Variants in MEPCE observed in about 807,000 individuals in gnomAD.
MEPCE encodes 7SK snRNA methylphosphate capping enzyme.
MEPCE carries 9 observed loss-of-function variants against 52.3 expected under a neutral mutation model. The ratio of observed to expected loss-of-function variants is 0.17; its 90% CI spans 0.10 to 0.30. The LOEUF (loss-of-function observed/expected upper bound fraction) is 0.30, where lower values mean the gene tolerates loss of function less well. Among genes scored for constraint, MEPCE ranks in the 10% least tolerant of loss-of-function variants. The probability of loss-of-function intolerance (pLI) is 1.00; values close to 1 mark genes in which losing one functional copy is unlikely to be tolerated. For missense variants in MEPCE, 826 were observed against 933.0 expected, an observed-to-expected ratio of 0.89 and a Z score of 1.49; for synonymous variants, 477 against 401.6, an observed-to-expected ratio of 1.19 and a Z score of -2.25.
chr7:100,433,933 C>G lies in MEPCE; in HGVS notation c.*379C>G. ...TTCTCCTCGGCCATTGTACCTAGCT[C>G]TTGTCCCTAGCTGCATTTCAGTGGA... On this transcript the variant is annotated 3_prime_UTR_variant, in exon 4 of 4. Transcript: ENST00000310512. The G allele has an allele frequency of 4.3e-6, 1 of 231,548 alleles. No homozygotes were observed. The highest frequency in any genetic ancestry group is 5.1e-5 in the Admixed American group (1 of 19,458). 14.3% of individuals were successfully genotyped at this position (231,548 alleles called of 1,614,324 possible).
At position 100,432,990 on chromosome 7, in the gene MEPCE, C is replaced by T; in HGVS notation, c.1743C>T (p.Leu581=). The change falls in exon 2 of 4, where the codon CTC becomes CTT. Residue 581 remains leucine (L), a synonymous_variant. Transcript: ENST00000310512. Reference sequence around the variant, plus strand: ...CTGAGTATGATGTGGTGCTCTGCCTCAGCCTCACCAAGTGGGTGCATCTGA... The same window carrying T: ...CTGAGTATGATGTGGTGCTCTGCCTTAGCCTCACCAAGTGGGTGCATCTGA... ...QTPEYDVVLC[L]SLTKWVHLNW... 1 of 1,614,020 alleles carries T rather than the reference C, an allele frequency of 6.2e-7. No homozygotes were observed. Among genetic ancestry groups the T allele is most frequent in the Non-Finnish European group, 8.5e-7 (1 of 1,180,034 alleles).
chr7:100,429,925 C>G lies in MEPCE; in HGVS notation c.-94C>G. The G allele has an allele frequency of 9.6e-7, 1 of 1,037,766 alleles. No homozygotes were observed. Among genetic ancestry groups the G allele is most frequent in the South Asian group, 4.9e-5 (1 of 20,502 alleles). 64.3% of individuals were successfully genotyped at this position (1,037,766 alleles called of 1,614,324 possible). On this transcript the variant is annotated 5_prime_UTR_variant, in exon 1 of 4. Transcript: ENST00000310512. ...TGAAGAGCAGAGCTGCGCGCGCACTCGGGAAAGGGGGGAAGGGAGCAGGGT... is the reference window on the plus strand; with the variant it reads ...TGAAGAGCAGAGCTGCGCGCGCACTGGGGAAAGGGGGGAAGGGAGCAGGGT...
Position 100,430,352 on chromosome 7 carries a change from G to T in MEPCE, c.334G>T (p.Val112Leu), listed in dbSNP as rs1798607962. 2.1e-6 allele frequency: 3 copies of T among 1,432,122 alleles called. No individual in the cohort carries two copies. Among genetic ancestry groups the T allele is most frequent in the South Asian group, 2.9e-5 (2 of 68,300 alleles). The allele number at this position is 1,432,122 out of a possible 1,614,324, so 88.7% of individuals were successfully genotyped here. A position where few individuals can be genotyped will look rare whatever the true frequency, so the allele number is the denominator to read the frequency against. Residue 112 changes from valine to leucine, a missense_variant, in exon 1 of 4, where the codon GTG (valine) becomes TTG (leucine). Coordinates refer to ENST00000310512, the MANE Select transcript of MEPCE (RefSeq NM_019606.6). ...DPPGRAAPPD[V>L]GEERRGGGGT... ...CCCGGGGCGAGCCGCTCCCCCGGAC[G>T]TGGGGGAGGAGCGCCGGGGAGGGGG... is the stretch of plus-strand genomic sequence containing the variant.
Position 100,434,055 on chromosome 7 carries a change from A to AG in MEPCE, c.*506dup, listed in dbSNP as rs983289030. The AG allele has an allele frequency of 4.3e-4, 68 of 158,906 alleles. No individual in the cohort carries two copies. Among genetic ancestry groups the AG allele is most frequent in the Non-Finnish European group, 5.7e-4 (41 of 71,974 alleles). 9.8% of individuals were successfully genotyped at this position (158,906 alleles called of 1,614,324 possible). ...TCCCTTTGCCCTCCCCCAGTGGGAG[A>AG]GGGGGTTGGGTTTTCAATGTGAGAA... On this transcript the variant is annotated 3_prime_UTR_variant, in exon 4 of 4. Transcript: ENST00000310512.
upstream of MEPCE, chr7:100,429,643 A>G (rs1563160162): frequency 2.6e-5 from 5 of 190,512 alleles, no homozygotes; most frequent in Non-Finnish European, 4.3e-5. Flanking sequence ...TTAAACTCCC[A>G]GAGCCGTTAA....
At chr7:100,432,813 G>T (rs568530405) in intron 1 of MEPCE, 106 bp from the exon 2 acceptor site, 5 of 1,000,314 alleles carry the variant, frequency 5.0e-6, no homozygotes, top group Admixed American at 2.0e-5. Flanking sequence ...AAGTGGCCAC[G>T]GGCTAAAGTG....
chr7:100,430,447 G>T lies in MEPCE; in HGVS notation c.429G>T (p.Gly143=), dbSNP rs777812010. ...RNGYQPHRPP[G]GGGGKRRNSC... ...GCTATCAGCCCCACCGGCCACCTGGGGGGGGCGGGGGCAAGAGGAGAAATA... is the reference window on the plus strand; with the variant it reads ...GCTATCAGCCCCACCGGCCACCTGGTGGGGGCGGGGGCAAGAGGAGAAATA... The change falls in exon 1 of 4, where the codon GGG becomes GGT. Residue 143 remains glycine (G), a synonymous_variant. Coordinates refer to ENST00000310512, the MANE Select transcript of MEPCE (RefSeq NM_019606.6). 10 of 1,556,888 alleles carry T rather than the reference G, an allele frequency of 6.4e-6. No homozygotes were observed. In the Admixed American group the frequency reaches 7.1e-5, roughly 11 times the overall value.
intron 1 of MEPCE, among the ~76,000 whole-genome samples, chr7:100,432,151 C>T (rs1798736473): frequency 6.6e-6 from 1 of 152,182 alleles, no homozygotes; most frequent in African/African-American, 2.4e-5. Flanking sequence ...AGCCACCTTG[C>T]TCCTATCAGC....
At position 100,432,912 on chromosome 7, in the gene MEPCE, C is replaced by T. The variant is rs112447917; in HGVS notation, c.1672-7C>T. On this transcript the variant is annotated splice_polypyrimidine_tract_variant and splice_region_variant and intron_variant, in intron 1 of 3. Transcript: ENST00000310512. ...CAGTTGACCTCACTGCCGATTCTTG[C>T]CCTCAGGGTAATTATGTGCTGGATC... 33 of 1,613,280 alleles carry T rather than the reference C, an allele frequency of 2.0e-5. No individual in the cohort carries two copies. The African/African-American group carries it at 4.3e-4, about 21-fold the overall frequency.
rs1220321385 is a variant in MEPCE, at chr7:100,431,628, C to A, written c.1610C>A (p.Pro537His). The change falls in exon 1 of 4, where the codon CCC becomes CAC. Residue 537 changes from proline to histidine, a missense_variant. Pro to His is a moderately conservative substitution (Grantham distance 77). Transcript: ENST00000310512. ...LTASRGPIAA[P>H]QVPLDGADTS... Reference sequence around the variant, plus strand: ...GCCAGCCGGGGTCCCATCGCTGCCCCCCAAGTGCCCTTGGATGGAGCGGAC... The same window carrying A: ...GCCAGCCGGGGTCCCATCGCTGCCCACCAAGTGCCCTTGGATGGAGCGGAC... The A allele has an allele frequency of 1.2e-6, 2 of 1,607,696 alleles. No individual in the cohort carries two copies. Among genetic ancestry groups the A allele is most frequent in the Non-Finnish European group, 1.7e-6 (2 of 1,179,978 alleles).
rs1386913382 is a variant in MEPCE at position 100,433,779 on chromosome 7, TC to T, written c.*230del. Reference sequence around the variant, plus strand: ...TGCTGGAGTCACCATCATCTTCCTCTCCCCCAGCCTCCCAGGCTGGATGGCA... The same window carrying T: ...TGCTGGAGTCACCATCATCTTCCTCTCCCCAGCCTCCCAGGCTGGATGGCA... On this transcript the variant is annotated 3_prime_UTR_variant, in exon 4 of 4. Coordinates refer to ENST00000310512, the MANE Select transcript of MEPCE (RefSeq NM_019606.6). 4 of 579,544 alleles carry T rather than the reference TC, an allele frequency of 6.9e-6. No homozygotes were observed. The highest frequency in any genetic ancestry group is 5.7e-5 in the East Asian group (2 of 34,840). 35.9% of individuals were successfully genotyped at this position (579,544 alleles called of 1,614,324 possible).
chr7:100,431,473 A>G lies in MEPCE; in HGVS notation c.1455A>G (p.Gln485=), dbSNP rs774873736. The change falls in exon 1 of 4, where the codon CAA becomes CAG. Residue 485 remains glutamine (Q), a synonymous_variant. Transcript: ENST00000310512. The part of the protein sequence containing the change: ...IDSRLIHSAR[Q]NIRHYLSEEL... The stretch of plus-strand genomic sequence containing the variant: ...CCCGGCTCATCCATTCTGCCCGCCA[A>G]AACATCCGACACTACCTTTCCGAGG... The G allele has an allele frequency of 6.2e-7, 1 of 1,613,774 alleles. No homozygotes were observed. Among genetic ancestry groups the G allele is most frequent in the Non-Finnish European group, 8.5e-7 (1 of 1,180,034 alleles).
chr7:100,429,193 C>G (rs1240405443), upstream of MEPCE, among the ~76,000 whole-genome samples: 1 of 152,092 alleles, frequency 6.6e-6, no homozygotes, highest in African/African-American at 2.4e-5. Context: ...ATGAATAATT[C>G]ATGAGCCCCG....
At position 100,433,378 on chromosome 7, in the gene MEPCE, A is replaced by C. The variant is rs1049916004; in HGVS notation, c.2006A>C (p.Asn669Thr). The change falls in exon 3 of 4, where the codon AAC becomes ACC. Residue 669 changes from asparagine to threonine, a missense_variant. Transcript: ENST00000310512. ...TATGAGCTTGTGGCCACACCCCACA[A>C]CACCTCTAAAGGTAAGGCTGGTTTA... is the stretch of plus-strand genomic sequence containing the variant. ...SSYELVATPH[N>T]TSKGFQRPVY... 5.0e-6 allele frequency: 8 copies of C among 1,614,176 alleles called. No individual in the cohort carries two copies. The highest frequency in any genetic ancestry group is 1.7e-5 in the Admixed American group (1 of 60,024).
rs1049079414 is a variant in MEPCE at position 100,430,749 on chromosome 7, G to A, written c.731G>A (p.Cys244Tyr). 6.2e-7 allele frequency: 1 copy of A among 1,613,880 alleles called. No individual in the cohort carries two copies. The highest frequency in any genetic ancestry group is 1.3e-5 in the African/African-American group (1 of 75,040). ...DITDPLSLNTCTDEGHVVLAS... is the reference protein window; with the variant it reads ...DITDPLSLNTYTDEGHVVLAS... ...ACTGACCCGCTCAGTCTCAATACTT[G>A]CACTGATGAGGGCCATGTAGTTCTT... The change falls in exon 1 of 4, where the codon TGC becomes TAC. Residue 244 changes from cysteine to tyrosine, a missense_variant. Cys to Tyr is a radical substitution (Grantham distance 194, BLOSUM62 -2). Around this residue, in one of 7 missense-constraint regions of MEPCE, gnomAD observed 307 missense variants for 292.1 expected, o/e 1.05. Coordinates refer to ENST00000310512, the MANE Select transcript of MEPCE (RefSeq NM_019606.6).
chr7:100,432,845 C>T lies in MEPCE; in HGVS notation c.1672-74C>T, dbSNP rs1156380227. The T allele has an allele frequency of 8.7e-6, 12 of 1,381,260 alleles. No individual in the cohort carries two copies. In the East Asian group the frequency reaches 1.6e-4, roughly 18 times the overall value. The allele number at this position is 1,381,260 out of a possible 1,614,324, so 85.6% of individuals were successfully genotyped here. On this transcript the variant is annotated intron_variant, in intron 1 of 3. Coordinates refer to ENST00000310512, the MANE Select transcript of MEPCE (RefSeq NM_019606.6). ...AGTGAGGCCGCGGGACTGTATCGGCCTCAGAGCAGGTTGCCTGGGAGCAGG... is the reference window on the plus strand; with the variant it reads ...AGTGAGGCCGCGGGACTGTATCGGCTTCAGAGCAGGTTGCCTGGGAGCAGG...
chr7:100,430,462 G>C lies in MEPCE; in HGVS notation c.444G>C (p.Lys148Asn). ...PHRPPGGGGG[K>N]RRNSCNVGGG... ...GGCCACCTGGGGGGGGCGGGGGCAA[G>C]AGGAGAAATAGCTGTAATGTAGGGG... Residue 148 changes from lysine (K) to asparagine (N), a missense_variant, in exon 1 of 4, where the codon AAG becomes AAC. Physicochemically the swap from Lys to Asn is moderately conservative, Grantham distance 94. Around this residue, in one of 7 missense-constraint regions of MEPCE, gnomAD observed 314 missense variants for 277.7 expected, o/e 1.13. Transcript: ENST00000310512. 1 of 1,561,308 alleles carries C rather than the reference G, an allele frequency of 6.4e-7. No individual in the cohort carries two copies. Among genetic ancestry groups the C allele is most frequent in the South Asian group, 1.2e-5 (1 of 85,592 alleles).
chr7:100,433,560 C>A lies in MEPCE; in HGVS notation c.*6C>A. 6.2e-7 allele frequency: 1 copy of A among 1,611,948 alleles called. No individual in the cohort carries two copies. Among genetic ancestry groups the A allele is most frequent in the Non-Finnish European group, 8.5e-7 (1 of 1,179,882 alleles). ...CCCGATCCCCCAGCCACTAAGTGGCCCCCTAAACAGAAAGTGTGAAGAGGC... is the reference window on the plus strand; with the variant it reads ...CCCGATCCCCCAGCCACTAAGTGGCACCCTAAACAGAAAGTGTGAAGAGGC... On this transcript the variant is annotated 3_prime_UTR_variant, in exon 4 of 4. Coordinates refer to ENST00000310512, the MANE Select transcript of MEPCE (RefSeq NM_019606.6).
In MEPCE at chr7:100,430,618, C is replaced by G; in HGVS notation, c.600C>G (p.Leu200=). ...TTGATCCCCTGAACCTGAATAGCCT[C>G]CTGGATGAGGAAGTGAGCCGCACTC... ...NIFDPLNLNS[L]LDEEVSRTLN... The change falls in exon 1 of 4, where the codon CTC becomes CTG. Residue 200 remains leucine, a synonymous_variant. Transcript: ENST00000310512. The G allele has an allele frequency of 6.2e-7, 1 of 1,613,330 alleles. No individual in the cohort carries two copies. Among genetic ancestry groups the G allele is most frequent in the Non-Finnish European group, 8.5e-7 (1 of 1,179,896 alleles).
Sources: gnomAD v4.1 joint callset for allele counts (sites outside exome capture counted in the v4.1 genomes callset) on GRCh38, gnomAD v4.1.1 for gene constraint, gnomAD v4.1.1 regional missense constraint, MANE v1.5 for transcripts, NCBI Gene and HGNC (gene_info 2026-07-23, HGNC 2026-07-21) for gene names.